MTPAP: variants seen among roughly 807,000 people sequenced by gnomAD.
MTPAP encodes poly(A) RNA polymerase, mitochondrial.
Under a neutral mutation model 48.7 loss-of-function variants are expected in MTPAP, and 23 were observed. That is an observed-to-expected ratio of 0.47 (90% confidence interval 0.34 to 0.67). MTPAP has a LOEUF of 0.67. Ranked by LOEUF, MTPAP falls within the 30% of genes least tolerant of loss-of-function variation. The pLI, the probability that MTPAP is intolerant of heterozygous loss-of-function variation, is 0.01. For synonymous variants in MTPAP, 257 were observed against 254.1 expected (o/e 1.01, Z -0.11); for missense variants, 614 against 694.3 (o/e 0.88, Z 1.30).
At chr10:30,328,119 G>A (rs1397656624) in intron 4 of MTPAP, among the ~76,000 whole-genome samples, 1 of 152,006 alleles carries the variant, frequency 6.6e-6, no homozygotes, top group Non-Finnish European at 1.5e-5. Context: ...ACAGTTTTAG[G>A]CAAACGAAAG....
Position 30,313,525 on chromosome 10 carries a change from T to C in MTPAP, c.*84A>G, listed in dbSNP as rs538401522. The C allele has an allele frequency of 1.9e-6, 3 of 1,551,420 alleles. No homozygotes were observed. Among genetic ancestry groups the C allele is most frequent in the East Asian group, 2.2e-5 (1 of 44,616 alleles). On this transcript the variant is annotated 3_prime_UTR_variant, in exon 9 of 9. Coordinates refer to ENST00000263063, the MANE Select transcript of MTPAP (RefSeq NM_018109.4). ...GACATCAGATGAAAGCTGAGATCTG[T>C]GAAAGTTTCAAATCAGTTTTTCCAA...
At chr10:30,323,247 T>A (rs1840746961) in intron 5 of MTPAP, among the ~76,000 whole-genome samples, 1 of 149,150 alleles carries the variant, frequency 6.7e-6, no homozygotes, top group South Asian at 2.1e-4. Context: ...GAGGTCAGGA[T>A]TTGAGACCAG....
Position 30,326,434 on chromosome 10 carries a change from T to A in MTPAP, c.982A>T (p.Thr328Ser). 1.2e-6 allele frequency: 2 copies of A among 1,613,762 alleles called. No individual in the cohort carries two copies. Among genetic ancestry groups the A allele is most frequent in the Non-Finnish European group, 1.7e-6 (2 of 1,179,654 alleles). The change falls in exon 5 of 9, where the codon ACG (threonine) becomes TCG (serine). Residue 328 changes from threonine to serine, a missense_variant. By Grantham distance (58) the Thr-to-Ser change is moderately conservative (BLOSUM62 1). Coordinates refer to ENST00000263063, the MANE Select transcript of MTPAP (RefSeq NM_018109.4). ...TGTAAGCGGTCATACCTATTGTTCG[T>A]AGTCAAATCACACTGAAATCCGGAG... ...QASGFQCDLT[T>S]NNRIALTSSE... is the part of the protein sequence containing the mutation.
chr10:30,343,891 G>A (rs1834840524), intron 1 of MTPAP, among the ~76,000 whole-genome samples: 2 of 152,124 alleles, frequency 1.3e-5, no homozygotes, highest in South Asian at 4.1e-4. Flanking sequence ...TTTTAACTAT[G>A]TGCCTTCGCC....
chr10:30,342,078 A>G (rs1253227785), intron 1 of MTPAP, among the ~76,000 whole-genome samples: 1 of 152,116 alleles, frequency 6.6e-6, no homozygotes, highest in Non-Finnish European at 1.5e-5. Context: ...TGTACTAAAA[A>G]TACAAAAATT....
At chr10:30,328,003 A>G (rs1375541997) in intron 4 of MTPAP, among the ~76,000 whole-genome samples, 1 of 152,182 alleles carries the variant, frequency 6.6e-6, no homozygotes, top group African/African-American at 2.4e-5. Context: ...AGAAGACACA[A>G]AAGAATATGA....
At chr10:30,346,059 A>G (rs1006431021) in intron 1 of MTPAP, among the ~76,000 whole-genome samples, 3 of 151,918 alleles carry the variant, frequency 2.0e-5, no homozygotes, top group African/African-American at 4.8e-5. Context: ...AAAAAAAAAA[A>G]AGACAGAATA....
At chr10:30,347,668 G>C (rs1405981866) in intron 1 of MTPAP, among the ~76,000 whole-genome samples, 1 of 152,206 alleles carries the variant, frequency 6.6e-6, no homozygotes, top group Non-Finnish European at 1.5e-5. Context: ...AAGGCAGGCA[G>C]ATCACCTGAG....
intron 4 of MTPAP, among the ~76,000 whole-genome samples, chr10:30,327,277 C>T (rs1834609044): frequency 6.7e-6 from 1 of 149,308 alleles, no homozygotes. Context: ...CACTTGAGGT[C>T]AGGAGTTCAA....
At chr10:30,338,138 T>A (rs893780014) in intron 3 of MTPAP, among the ~76,000 whole-genome samples, 1 of 150,862 alleles carries the variant, frequency 6.6e-6, no homozygotes, top group African/African-American at 2.4e-5. Context: ...GTGGAATGCA[T>A]CTGTAGTCTC....
rs1437060601 is a variant in MTPAP at position 30,313,670 on chromosome 10, C to T, written c.1688G>A (p.Gly563Asp). The T allele has an allele frequency of 6.2e-7, 1 of 1,614,130 alleles. No homozygotes were observed. The highest frequency in any genetic ancestry group is 1.7e-5 in the Admixed American group (1 of 60,020). ...TVKNLLESLK[G>D]NRTENFTKTS... ...TTTTGTGAAATTTTCTGTTCTGTTACCTTTTAAAGATTCTAGCAAGTTTTT... is the reference window on the plus strand; with the variant it reads ...TTTTGTGAAATTTTCTGTTCTGTTATCTTTTAAAGATTCTAGCAAGTTTTT... The change falls in exon 9 of 9, where the codon GGT becomes GAT. Residue 563 changes from glycine (G) to aspartate (D), a missense_variant. Gly to Asp is a moderately conservative substitution (Grantham distance 94, BLOSUM62 -1). This residue lies in a region of MTPAP where 109 missense variants were observed against 100.5 expected (regional missense o/e 1.08). Transcript: ENST00000263063.
At chr10:30,340,764 CAA>C (rs1280407364) in intron 2 of MTPAP, among the ~76,000 whole-genome samples, 1 of 151,946 alleles carries the variant, frequency 6.6e-6, no homozygotes, top group African/African-American at 2.4e-5. Context: ...ACTAAAAATA[CAA>C]AAATTAGCCA....
At chr10:30,325,172 C>T (rs1366450307) in intron 5 of MTPAP, among the ~76,000 whole-genome samples, 1 of 151,914 alleles carries the variant, frequency 6.6e-6, no homozygotes, top group Non-Finnish European at 1.5e-5. Context: ...TCCTATTTTA[C>T]ATACTACAAA....
Position 30,325,394 on chromosome 10 carries a change from A to C in MTPAP, c.992+1030T>G, listed in dbSNP as rs868536157. Among the ~76,000 whole-genome samples, 24 of 152,352 alleles carry C rather than the reference A, an allele frequency of 1.6e-4. 1 individual carries two copies. The South Asian group carries it at 5.0e-3, about 32-fold the overall frequency. On this transcript the variant is annotated intron_variant, in intron 5 of 8. Transcript: ENST00000263063. ...AATGATTATTTAGCTAACAAATAACATAGTGAAATGAACTCATGCAATGAG... is the reference window on the plus strand; with the variant it reads ...AATGATTATTTAGCTAACAAATAACCTAGTGAAATGAACTCATGCAATGAG...
chr10:30,323,147 A>AG (rs1408541802), intron 5 of MTPAP, among the ~76,000 whole-genome samples: 7 of 148,780 alleles, frequency 4.7e-5, no homozygotes, highest in South Asian at 4.3e-4. Flanking sequence ...AAAAAAAAAA[A>AG]AAAGAAAGAA....
rs570202810 is a variant in MTPAP, at chr10:30,332,997, T to A, written c.780+3806A>T. Among the ~76,000 whole-genome samples, 14 of 151,934 alleles carry A rather than the reference T, an allele frequency of 9.2e-5. 2 individuals carry two copies. In the East Asian group the frequency reaches 1.2e-3, roughly 13 times the overall value. ...TTAGCTGGGCGTGGTGGCGGGCGCC[T>A]GTAGTCCCAGCTACTCGGGAGGCTG... is the stretch of plus-strand genomic sequence containing the variant. On this transcript the variant is annotated intron_variant, in intron 4 of 8. Coordinates refer to ENST00000263063, the MANE Select transcript of MTPAP (RefSeq NM_018109.4).
At chr10:30,331,241 G>T (rs1039628949) in intron 4 of MTPAP, among the ~76,000 whole-genome samples, 2 of 152,212 alleles carry the variant, frequency 1.3e-5, no homozygotes, top group African/African-American at 4.8e-5. Context: ...CTATTAATGT[G>T]TGCTATTCCT....
Position 30,343,861 on chromosome 10 carries a change from G to A in MTPAP, c.158-2221C>T, listed in dbSNP as rs187829432. Among the ~76,000 whole-genome samples the A allele has an allele frequency of 1.4e-4, 21 of 152,274 alleles. No individual in the cohort carries two copies. The East Asian group carries it at 4.1e-3, about 29-fold the overall frequency. ...GAAATTACAGGCATGACGCCACCAC[G>A]CCAAGCCTGAAAATACAGCTTTTAA... On this transcript the variant is annotated intron_variant, in intron 1 of 8. Coordinates refer to ENST00000263063, the MANE Select transcript of MTPAP (RefSeq NM_018109.4).
intron 6 of MTPAP, among the ~76,000 whole-genome samples, chr10:30,320,794 G>T (rs16931385): frequency 6.6e-6 from 1 of 152,124 alleles, no homozygotes; most frequent in Admixed American, 6.5e-5. Flanking sequence ...AGATGCTTAG[G>T]AGTAGTCTAC....
Sources: gnomAD v4.1 joint callset for allele counts (sites outside exome capture counted in the v4.1 genomes callset) on GRCh38, gnomAD v4.1.1 for gene constraint, gnomAD v4.1.1 regional missense constraint, MANE v1.5 for transcripts, NCBI Gene and HGNC (gene_info 2026-07-23, HGNC 2026-07-21) for gene names.